Variants in MCTP1 observed in about 807,000 individuals in gnomAD.
MCTP1 encodes multiple C2 and transmembrane domain containing 1.
Under a neutral mutation model 120.6 loss-of-function variants are expected in MCTP1, and 69 were observed. The ratio of observed to expected loss-of-function variants is 0.57; its 90% CI spans 0.47 to 0.70. The LOEUF is 0.70. MCTP1 is among the 30% of genes least tolerant of loss of function. The probability of loss-of-function intolerance (pLI) is 0.00; values close to 1 mark genes in which losing one functional copy is unlikely to be tolerated. For synonymous variants in MCTP1, 529 were observed against 493.1 expected (o/e 1.07, Z -0.96); for missense variants, 1,203 against 1,248.8 (o/e 0.96, Z 0.55).
At chr5:95,200,629 T>C (rs1750901906) in intron 1 of MCTP1, among the ~76,000 whole-genome samples, 1 of 152,214 alleles carries the variant, frequency 6.6e-6, no homozygotes, top group South Asian at 2.1e-4. Context: ...ATCTCACTTG[T>C]ATGTGGAATC....
intron 1 of MCTP1, among the ~76,000 whole-genome samples, chr5:95,166,874 T>A (rs918412115): frequency 1.3e-5 from 2 of 151,922 alleles, no homozygotes; most frequent in African/African-American, 2.4e-5. Context: ...GCCATTTTAA[T>A]CATTTCTCTA....
At chr5:94,859,518 T>C (rs1365010685) in intron 17 of MCTP1, among the ~76,000 whole-genome samples, 2 of 151,788 alleles carry the variant, frequency 1.3e-5, no homozygotes, top group Non-Finnish European at 2.9e-5. Flanking sequence ...GATTTTATCA[T>C]TACACATTGT....
At chr5:94,769,274 A>T (rs1268326094) in intron 19 of MCTP1, among the ~76,000 whole-genome samples, 1 of 152,172 alleles carries the variant, frequency 6.6e-6, no homozygotes, top group African/African-American at 2.4e-5. Context: ...GGAAACAAAC[A>T]TACAATTAGA....
intron 1 of MCTP1, among the ~76,000 whole-genome samples, chr5:95,243,533 T>C (rs1039868477): frequency 6.6e-6 from 1 of 152,182 alleles, no homozygotes; most frequent in Admixed American, 6.5e-5. Context: ...TAATATGTCA[T>C]TACAGGGATG....
At chr5:95,245,430 A>G (rs934621495) in intron 1 of MCTP1, among the ~76,000 whole-genome samples, 16 of 152,218 alleles carry the variant, frequency 1.1e-4, no homozygotes, top group Admixed American at 3.3e-4. Context: ...AAAACCTTGA[A>G]AAAAGTTAGA....
chr5:94,929,334 C>G (rs1243049183), intron 6 of MCTP1, among the ~76,000 whole-genome samples: 1 of 152,092 alleles, frequency 6.6e-6, no homozygotes. Context: ...ATGCCAAAGC[C>G]CTGCCATGAA....
chr5:94,780,311 C>A (rs1776298442), intron 18 of MCTP1, among the ~76,000 whole-genome samples: 1 of 151,652 alleles, frequency 6.6e-6, no homozygotes, highest in Non-Finnish European at 1.5e-5. Flanking sequence ...TTGGTGTACA[C>A]TTTAATAACC....
chr5:94,816,262 G>A (rs890965715), intron 17 of MCTP1, among the ~76,000 whole-genome samples: 2 of 152,128 alleles, frequency 1.3e-5, no homozygotes, highest in African/African-American at 2.4e-5. Context: ...TTTATATCAT[G>A]TGTATATTTA....
At position 95,012,443 on chromosome 5, in the gene MCTP1, G is replaced by C. The variant is rs1172776879; in HGVS notation, c.838+4924C>G. Among the ~76,000 whole-genome samples, 3 of 151,938 alleles carry C rather than the reference G, an allele frequency of 2.0e-5. No homozygotes were observed. The East Asian group carries it at 5.8e-4, about 29-fold the overall frequency. On this transcript the variant is annotated intron_variant, in intron 2 of 22. Coordinates refer to ENST00000515393, the MANE Select transcript of MCTP1 (RefSeq NM_024717.7). The stretch of plus-strand genomic sequence containing the variant: ...CGCATACCTCATTTCATTGCACTTT[G>C]TTTGATTGCGCTTCCAAGGGTTTCT...
intron 1 of MCTP1, among the ~76,000 whole-genome samples, chr5:95,090,055 A>G (rs1437467818): frequency 2.0e-5 from 3 of 152,016 alleles, no homozygotes; most frequent in Admixed American, 6.6e-5. Flanking sequence ...TGCTCCTTTC[A>G]TTCCTCTCCA....
intron 19 of MCTP1, among the ~76,000 whole-genome samples, chr5:94,760,466 T>G (rs1771061745): frequency 6.6e-6 from 1 of 152,198 alleles, no homozygotes; most frequent in South Asian, 2.1e-4. Context: ...AATATTTAAG[T>G]GTAGAATCAC....
intron 1 of MCTP1, among the ~76,000 whole-genome samples, chr5:95,059,912 C>T (rs969061985): frequency 1.3e-5 from 2 of 152,126 alleles, no homozygotes; most frequent in Non-Finnish European, 2.9e-5. Flanking sequence ...ACTTGAGATG[C>T]TGTTCTAGTC....
At chr5:95,062,765 A>G (rs761318372) in intron 1 of MCTP1, among the ~76,000 whole-genome samples, 1 of 152,096 alleles carries the variant, frequency 6.6e-6, no homozygotes, top group East Asian at 1.9e-4. Flanking sequence ...ATGTTTTCTT[A>G]TGATTGCTGG....
intron 19 of MCTP1, among the ~76,000 whole-genome samples, chr5:94,754,163 C>T (rs948861538): frequency 6.6e-6 from 1 of 152,018 alleles, no homozygotes; most frequent in Admixed American, 6.6e-5. Flanking sequence ...GTATAATTTA[C>T]TCAAGGAAAA....
Position 94,957,826 on chromosome 5 carries a change from C to T in MCTP1, c.839-4465G>A, listed in dbSNP as rs530429017. Among the ~76,000 whole-genome samples the T allele has an allele frequency of 2.5e-4, 38 of 152,328 alleles. No homozygotes were observed. The East Asian group carries it at 7.3e-3, about 29-fold the overall frequency. On this transcript the variant is annotated intron_variant, in intron 2 of 22. Coordinates refer to ENST00000515393, the MANE Select transcript of MCTP1 (RefSeq NM_024717.7). Reference sequence around the variant, plus strand: ...ACTCCCACACAATAATAGTGGGAGACTTTAACACCCCACTGTCTATATTAG... The same window carrying T: ...ACTCCCACACAATAATAGTGGGAGATTTTAACACCCCACTGTCTATATTAG...
In MCTP1 at chr5:94,774,064, C is replaced by T. The variant is rs1323655155; in HGVS notation, c.2610+5046G>A. Among the ~76,000 whole-genome samples, 11 of 87,534 alleles carry T rather than the reference C, an allele frequency of 1.3e-4. 3 individuals carry two copies. In the South Asian group the frequency reaches 2.0e-3, roughly 16 times the overall value. 57.4% of individuals were successfully genotyped at this position (87,534 alleles called of 152,430 possible). A position where few individuals can be genotyped will look rare whatever the true frequency, so the allele number is the denominator to read the frequency against. ...TCTACTAAAAATACAAAAAATTAGC[C>T]GGGCGTAGTGGCGGGCGCCTGTAGT... On this transcript the variant is annotated intron_variant, in intron 19 of 22. Coordinates refer to ENST00000515393, the MANE Select transcript of MCTP1 (RefSeq NM_024717.7).
intron 1 of MCTP1, among the ~76,000 whole-genome samples, chr5:95,242,030 G>T (rs765554298): frequency 9.2e-5 from 14 of 151,982 alleles, no homozygotes; most frequent in Non-Finnish European, 1.6e-4. Context: ...CTATGCAAAG[G>T]CTTAGTGAGA....
chr5:94,788,258 G>A (rs991165182), intron 18 of MCTP1, among the ~76,000 whole-genome samples: 2 of 152,100 alleles, frequency 1.3e-5, no homozygotes, highest in Non-Finnish European at 2.9e-5. Context: ...AAATGTCCTT[G>A]AAGGTATATT....
At chr5:94,810,626 C>G (rs1783205313) in intron 17 of MCTP1, among the ~76,000 whole-genome samples, 1 of 152,118 alleles carries the variant, frequency 6.6e-6, no homozygotes, top group South Asian at 2.1e-4. Flanking sequence ...AACAGGAATG[C>G]CTTTAGAAAA....
Sources: allele counts gnomAD v4.1 joint callset (sites outside exome capture counted in the v4.1 genomes callset), GRCh38; gene constraint gnomAD v4.1.1; transcripts MANE v1.5; gene names NCBI Gene and HGNC (gene_info 2026-07-23, HGNC 2026-07-21).